The following MGAT5 variants were observed in gnomAD, a reference collection of about 807,000 sequenced individuals.
MGAT5 encodes alpha-1,6-mannosylglycoprotein 6-beta-N-acetylglucosaminyltransferase A.
Under a neutral mutation model 94.3 loss-of-function variants are expected in MGAT5, and 30 were observed. That is an observed-to-expected ratio of 0.32 (90% CI 0.24 to 0.43). The LOEUF (loss-of-function observed/expected upper bound fraction) is 0.43. Ranked by LOEUF, MGAT5 falls within the 20% of genes least tolerant of loss-of-function variation. MGAT5 has a pLI of 1.00. For synonymous variants in MGAT5, 310 were observed against 322.9 expected, an observed-to-expected ratio of 0.96 and a Z score of 0.43; for missense variants, 691 against 905.5, an observed-to-expected ratio of 0.76 and a Z score of 3.04.
At chr2:134,369,469 C>T (rs1194380677) in intron 10 of MGAT5, among the ~76,000 whole-genome samples, 2 of 152,180 alleles carry the variant, frequency 1.3e-5, no homozygotes, top group South Asian at 2.1e-4. Context: ...ACTCCAGCCT[C>T]AGTTTCCTCA....
intron 1 of MGAT5, among the ~76,000 whole-genome samples, chr2:134,192,689 A>G (rs1679289536): frequency 6.6e-6 from 1 of 151,800 alleles, no homozygotes; most frequent in Non-Finnish European, 1.5e-5. Flanking sequence ...TTTTATTTTT[A>G]TTACTTTTTT....
chr2:134,432,813 G>C (rs1330676057), intron 14 of MGAT5, among the ~76,000 whole-genome samples: 2 of 152,172 alleles, frequency 1.3e-5, no homozygotes, highest in African/African-American at 4.8e-5. Flanking sequence ...AAGGTAGTTT[G>C]ATAATGTTTA....
intron 10 of MGAT5, among the ~76,000 whole-genome samples, chr2:134,383,840 C>T (rs1175711569): frequency 2.0e-5 from 3 of 152,006 alleles, no homozygotes; most frequent in African/African-American, 4.8e-5. Flanking sequence ...CCACCATGCC[C>T]GGCTAATTTT....
chr2:134,169,990 G>A (rs1393917497), intron 1 of MGAT5, among the ~76,000 whole-genome samples: 1 of 152,084 alleles, frequency 6.6e-6, no homozygotes, highest in East Asian at 1.9e-4. Flanking sequence ...TTCATTACTG[G>A]TATGATTCAT....
chr2:134,186,004 A>G (rs1034654792), intron 1 of MGAT5, among the ~76,000 whole-genome samples: 4 of 152,192 alleles, frequency 2.6e-5, no homozygotes, highest in African/African-American at 9.7e-5. Flanking sequence ...GAGGAACCGT[A>G]GATTATGAAT....
chr2:134,397,431 T>A (rs77355661), intron 10 of MGAT5, among the ~76,000 whole-genome samples: 5,881 of 152,186 alleles, frequency 0.039, 398 homozygotes, highest in African/African-American at 0.13. Flanking sequence ...CACATTGGGC[T>A]GCCTGGACTC....
intron 4 of MGAT5, among the ~76,000 whole-genome samples, chr2:134,333,269 T>G (rs2105964935): frequency 6.6e-6 from 1 of 151,590 alleles, no homozygotes; most frequent in African/African-American, 2.4e-5. Context: ...AAATGATGAG[T>G]TCATGTCCTT....
chr2:134,325,406 G>A (rs1468375122), intron 4 of MGAT5, among the ~76,000 whole-genome samples: 1 of 152,028 alleles, frequency 6.6e-6, no homozygotes, highest in Non-Finnish European at 1.5e-5. Context: ...TTTCCAGCAT[G>A]TACTACAAAA....
At chr2:134,190,803 G>A (rs985648274) in intron 1 of MGAT5, among the ~76,000 whole-genome samples, 15 of 152,160 alleles carry the variant, frequency 9.9e-5, no homozygotes, top group African/African-American at 3.4e-4. Context: ...ATGCCACCAT[G>A]GCTGGCTAAT....
chr2:134,266,831 A>G lies in MGAT5; in HGVS notation c.242-3555A>G, dbSNP rs150444037. Among the ~76,000 whole-genome samples the G allele has an allele frequency of 2.3e-3, 347 of 152,346 alleles. 2 individuals are homozygous for G. Among genetic ancestry groups the G allele is most frequent in the Middle Eastern group, 0.014 (4 of 294 alleles). ...ACTCAGGTAGCTGCTTGAGTTGAAA[A>G]TGAACTTTTTTCTTTCATATTGGGA... On this transcript the variant is annotated intron_variant, in intron 1 of 15. Coordinates refer to ENST00000281923, the MANE Select transcript of MGAT5 (RefSeq NM_002410.5).
At chr2:134,428,497 A>G (rs1684710132) in intron 14 of MGAT5, 58 bp downstream of exon 14, 1 of 1,469,804 alleles carries the variant, frequency 6.8e-7, no homozygotes, top group Non-Finnish European at 9.5e-7. Flanking sequence ...GTGACGCCAT[A>G]GGGCTCTCAA....
intron 11 of MGAT5, among the ~76,000 whole-genome samples, chr2:134,412,402 T>A (rs1683720972): frequency 6.6e-6 from 1 of 152,170 alleles, no homozygotes; most frequent in South Asian, 2.1e-4. Context: ...AACCTCCAAG[T>A]GACCTTTCTG....
Position 134,453,532 on chromosome 2 carries a change from A to G in MGAT5, c.*4685A>G, listed in dbSNP as rs1686206083. 1 of 152,200 alleles carries G rather than the reference A, an allele frequency of 6.6e-6. No individual in the cohort carries two copies. Among genetic ancestry groups the G allele is most frequent in the South Asian group, 2.1e-4 (1 of 4,830 alleles). The allele number at this position is 152,200 out of a possible 1,614,324, so 9.4% of individuals were successfully genotyped here. On this transcript the variant is annotated 3_prime_UTR_variant, in exon 16 of 16. Transcript: ENST00000281923. ...TAACAGTATTCCTTTGAATGCAATA[A>G]TAGAGGCTTTTCTGCGTTAAGGGAG...
chr2:134,299,185 C>T lies in MGAT5; in HGVS notation c.407-18344C>T, dbSNP rs1042737982. On this transcript the variant is annotated intron_variant, in intron 2 of 15. Coordinates refer to ENST00000281923, the MANE Select transcript of MGAT5 (RefSeq NM_002410.5). ...AGTGTTATTCTGGAGCATACAAAAG[C>T]AGACTGACACATGGCCACTGACTTT... Among the ~76,000 whole-genome samples the T allele has an allele frequency of 2.6e-5, 4 of 152,324 alleles. No individual in the cohort carries two copies. The East Asian group carries it at 7.7e-4, about 29-fold the overall frequency.
At chr2:134,269,870 T>A (rs1476892276) in intron 1 of MGAT5, among the ~76,000 whole-genome samples, 1 of 152,260 alleles carries the variant, frequency 6.6e-6, no homozygotes, top group Non-Finnish European at 1.5e-5. Flanking sequence ...AACTCTGGGT[T>A]ACCTAGCAGA....
intron 2 of MGAT5, among the ~76,000 whole-genome samples, chr2:134,300,726 T>G (rs1685964691): frequency 6.6e-6 from 1 of 152,122 alleles, no homozygotes; most frequent in African/African-American, 2.4e-5. Flanking sequence ...AAGGTGTTAT[T>G]TGAGGTGCTT....
intron 1 of MGAT5, among the ~76,000 whole-genome samples, chr2:134,193,420 T>C (rs1177893905): frequency 6.6e-6 from 1 of 152,144 alleles, no homozygotes; most frequent in African/African-American, 2.4e-5. Flanking sequence ...AGCTGTTACA[T>C]GAGGTTAAAA....
chr2:134,376,672 T>C (rs1681193469), intron 10 of MGAT5, among the ~76,000 whole-genome samples: 1 of 152,190 alleles, frequency 6.6e-6, no homozygotes, highest in Admixed American at 6.5e-5. Context: ...AAATTATCCC[T>C]CATCCTCATG....
chr2:134,233,034 A>C (rs1681451432), intron 1 of MGAT5, among the ~76,000 whole-genome samples: 1 of 152,268 alleles, frequency 6.6e-6, no homozygotes, highest in South Asian at 2.1e-4. Flanking sequence ...CTAGAAGAAT[A>C]GTATAGACAT....
Sources: gnomAD v4.1 joint callset for allele counts (sites outside exome capture counted in the v4.1 genomes callset) on GRCh38, gnomAD v4.1.1 for gene constraint, MANE v1.5 for transcripts, NCBI Gene and HGNC (gene_info 2026-07-23, HGNC 2026-07-21) for gene names.